The following PPARGC1A variants were observed in gnomAD, a reference collection of about 807,000 sequenced individuals.
PPARGC1A encodes PPARG coactivator 1 alpha, also known as peroxisome proliferator-activated receptor gamma coactivator 1-alpha.
PPARGC1A carries 25 observed loss-of-function variants against 88.7 expected under a neutral mutation model. That is an observed-to-expected ratio of 0.28 (90% CI 0.21 to 0.39). The LOEUF is 0.39. PPARGC1A is among the 10% of genes least tolerant of loss of function. The probability of loss-of-function intolerance (pLI) is 1.00; values close to 1 mark genes in which losing one functional copy is unlikely to be tolerated. For missense variants in PPARGC1A, 880 were observed against 968.7 expected, an observed-to-expected ratio of 0.91 and a Z score of 1.22; for synonymous variants, 363 against 355.6, an observed-to-expected ratio of 1.02 and a Z score of -0.24.
chr4:23,934,582 T>G, the PPARGC1A span, among the ~76,000 whole-genome samples: 1 of 152,190 alleles, frequency 6.6e-6, no homozygotes, highest in Non-Finnish European at 1.5e-5. Context: ...GATCTCCTGC[T>G]GATAATGGTG....
chr4:24,136,044 G>C, the PPARGC1A span, among the ~76,000 whole-genome samples: 3 of 152,156 alleles, frequency 2.0e-5, no homozygotes, highest in Non-Finnish European at 4.4e-5. Context: ...GGCAGGCACG[G>C]TTCCCTTGGG....
the PPARGC1A span, among the ~76,000 whole-genome samples, chr4:24,446,826 C>T: frequency 6.6e-6 from 1 of 152,272 alleles, no homozygotes; most frequent in African/African-American, 2.4e-5. Context: ...TCTCAAACTC[C>T]TGACCTCAGG....
chr4:24,393,876 T>C, the PPARGC1A span, among the ~76,000 whole-genome samples: 9 of 152,236 alleles, frequency 5.9e-5, no homozygotes, highest in Non-Finnish European at 1.2e-4. Flanking sequence ...CTCAATGTTT[T>C]GGGAGGCCAA....
the PPARGC1A span, among the ~76,000 whole-genome samples, chr4:24,112,158 G>A: frequency 0.073 from 11,112 of 152,176 alleles, 647 homozygotes; most frequent in African/African-American, 0.16. Context: ...GGAATGACAA[G>A]CTCCAAAGTT....
the PPARGC1A span, among the ~76,000 whole-genome samples, chr4:24,423,950 C>A: frequency 1.3e-5 from 2 of 152,082 alleles, no homozygotes; most frequent in African/African-American, 4.8e-5. Flanking sequence ...CTTTTTGGCA[C>A]CTTTTCTAGA....
the PPARGC1A span, among the ~76,000 whole-genome samples, chr4:24,412,612 C>T: frequency 6.6e-6 from 1 of 152,092 alleles, no homozygotes; most frequent in South Asian, 2.1e-4. Flanking sequence ...TCCCGAGTAG[C>T]TGGGATTACA....
intron 12 of PPARGC1A, among the ~76,000 whole-genome samples, chr4:23,800,805 T>C (rs1001836627): frequency 6.6e-6 from 1 of 151,766 alleles, no homozygotes; most frequent in Middle Eastern, 3.2e-3. Flanking sequence ...CAGGAAAAAT[T>C]AATATTATGT....
the PPARGC1A span, among the ~76,000 whole-genome samples, chr4:24,324,382 T>A: frequency 6.6e-6 from 1 of 151,840 alleles, no homozygotes; most frequent in African/African-American, 2.4e-5. Flanking sequence ...AATCCCTTAT[T>A]TCCATGCCCC....
intron 2 of PPARGC1A, among the ~76,000 whole-genome samples, chr4:23,847,008 T>G (rs6448227): frequency 6.6e-6 from 1 of 151,990 alleles, no homozygotes; most frequent in African/African-American, 2.4e-5. Context: ...AATGTTGGCT[T>G]TAAATTTAAT....
At chr4:24,251,883 G>A in the PPARGC1A span, among the ~76,000 whole-genome samples, 1 of 152,130 alleles carries the variant, frequency 6.6e-6, no homozygotes, top group East Asian at 1.9e-4. Context: ...CTCCCTTGGT[G>A]TGTACCTCTC....
the PPARGC1A span, among the ~76,000 whole-genome samples, chr4:24,310,168 G>T: frequency 1.2e-4 from 19 of 152,168 alleles, no homozygotes; most frequent in Non-Finnish European, 2.4e-4. Flanking sequence ...TACACGTGGA[G>T]CTCAAGAGAG....
At chr4:23,975,050 GGA>G in the PPARGC1A span, among the ~76,000 whole-genome samples, 173 of 152,032 alleles carry the variant, frequency 1.1e-3, no homozygotes, top group African/African-American at 3.8e-3. Flanking sequence ...CACAAAGGCA[GGA>G]GAGAGGTTAT....
chr4:24,242,441 A>T, the PPARGC1A span, among the ~76,000 whole-genome samples: 1 of 152,098 alleles, frequency 6.6e-6, no homozygotes. Flanking sequence ...CCTACCTGGA[A>T]CACCTTCCCT....
chr4:24,320,880 T>C, the PPARGC1A span, among the ~76,000 whole-genome samples: 7 of 152,328 alleles, frequency 4.6e-5, no homozygotes, highest in South Asian at 1.5e-3. Flanking sequence ...GGTCAACAGC[T>C]GGAAAATGGC....
the PPARGC1A span, among the ~76,000 whole-genome samples, chr4:24,348,941 G>A: frequency 1.2e-3 from 184 of 152,280 alleles, 2 homozygotes; most frequent in African/African-American, 4.1e-3. Context: ...CTGTCAGAGG[G>A]AAGGCCTAGG....
At chr4:23,842,145 A>T (rs1727170160) in intron 2 of PPARGC1A, among the ~76,000 whole-genome samples, 1 of 152,122 alleles carries the variant, frequency 6.6e-6, no homozygotes, top group South Asian at 2.1e-4. Context: ...GCATGCATTT[A>T]TTGTCAGCTA....
chr4:24,379,333 C>T, the PPARGC1A span, among the ~76,000 whole-genome samples: 6 of 152,150 alleles, frequency 3.9e-5, no homozygotes, highest in African/African-American at 1.2e-4. Flanking sequence ...TAGAAACATA[C>T]AATTAGACAG....
At chr4:24,167,347 T>C in the PPARGC1A span, among the ~76,000 whole-genome samples, 1 of 152,200 alleles carries the variant, frequency 6.6e-6, no homozygotes, top group South Asian at 2.1e-4. Flanking sequence ...AGAAAGTGGT[T>C]TCTTGAGATG....
intron 10 of PPARGC1A, 144 bp from the exon 11 acceptor site, chr4:23,802,489 G>A (rs896995179): frequency 1.1e-5 from 11 of 1,023,952 alleles, no homozygotes; most frequent in Admixed American, 1.0e-4. Flanking sequence ...ACCAGCCTGG[G>A]CAAGATGGTG....
Sources: allele counts gnomAD v4.1 joint callset (sites outside exome capture counted in the v4.1 genomes callset), GRCh38; gene constraint gnomAD v4.1.1; transcripts MANE v1.5; gene names NCBI Gene and HGNC (gene_info 2026-07-23, HGNC 2026-07-21).